STX8: variants seen among roughly 807,000 people sequenced by gnomAD.
STX8 encodes syntaxin-8.
A neutral mutation model predicts 37.5 loss-of-function variants in STX8; 23 were observed. The observed-to-expected ratio is 0.61, with a 90% CI of 0.44 to 0.87. The LOEUF (loss-of-function observed/expected upper bound fraction) is 0.87. Among genes scored for constraint, STX8 ranks in the 40% least tolerant of loss-of-function variants. The pLI is 0.00. For missense variants in STX8, 313 were observed against 284.7 expected (o/e 1.10, Z -0.71); for synonymous variants, 115 against 99.1 (o/e 1.16, Z -0.95).
intron 7 of STX8, among the ~76,000 whole-genome samples, chr17:9,281,358 A>T (rs1033602645): frequency 2.0e-5 from 3 of 152,210 alleles, no homozygotes; most frequent in Admixed American, 1.3e-4. Flanking sequence ...ATTTGGCCTG[A>T]GAAATGGAGT....
intron 7 of STX8, among the ~76,000 whole-genome samples, chr17:9,285,072 G>C (rs1314985711): frequency 6.6e-6 from 1 of 152,130 alleles, no homozygotes; most frequent in African/African-American, 2.4e-5. Context: ...CAGCGGTTCC[G>C]GGAGAGGGCC....
chr17:9,388,468 A>C (rs184037707), intron 6 of STX8, among the ~76,000 whole-genome samples: 1 of 152,066 alleles, frequency 6.6e-6, no homozygotes, highest in African/African-American at 2.4e-5. Context: ...CCAGTATAAC[A>C]ACAGTGTAAT....
At chr17:9,557,402 T>C in intron 3 of STX8, 32 bp downstream of exon 3, 1 of 1,566,614 alleles carries the variant, frequency 6.4e-7, no homozygotes, top group South Asian at 1.1e-5. Context: ...CCTCCCACTC[T>C]AGAAAAGAGG....
At chr17:9,356,959 A>ATTTTTTTT (rs1468764432) in intron 7 of STX8, among the ~76,000 whole-genome samples, 6 of 77,472 alleles carry the variant, frequency 7.7e-5, no homozygotes, top group South Asian at 4.5e-4. Flanking sequence ...TCCTTTTAAC[A>ATTTTTTTT]GTTTTTTTTT....
At chr17:9,536,410 T>A (rs1906058847) in intron 4 of STX8, among the ~76,000 whole-genome samples, 1 of 152,154 alleles carries the variant, frequency 6.6e-6, no homozygotes, top group South Asian at 2.1e-4. Context: ...ACTTGCAACT[T>A]ACTTCACGGG....
intron 4 of STX8, among the ~76,000 whole-genome samples, chr17:9,539,973 C>A (rs1906212098): frequency 6.6e-6 from 1 of 152,132 alleles, no homozygotes; most frequent in Admixed American, 6.5e-5. Context: ...ATATAATGAA[C>A]AAGTCATGTT....
intron 2 of STX8, among the ~76,000 whole-genome samples, chr17:9,559,005 C>G (rs1250182733): frequency 1.3e-5 from 2 of 151,994 alleles, no homozygotes; most frequent in Non-Finnish European, 2.9e-5. Context: ...ATATCCATCA[C>G]AGCTTATGAA....
intron 4 of STX8, among the ~76,000 whole-genome samples, chr17:9,512,886 G>C (rs1055437629): frequency 9.2e-5 from 14 of 152,138 alleles, no homozygotes; most frequent in African/African-American, 3.4e-4. Flanking sequence ...AACTCAAAAT[G>C]ATTCAAAGAC....
At chr17:9,289,710 G>A (rs1908244574) in intron 7 of STX8, among the ~76,000 whole-genome samples, 1 of 151,940 alleles carries the variant, frequency 6.6e-6, no homozygotes, top group African/African-American at 2.4e-5. Context: ...AACCCGGGAG[G>A]TGGAGCTTGC....
At chr17:9,338,401 A>G (rs923379907) in intron 7 of STX8, among the ~76,000 whole-genome samples, 1 of 152,136 alleles carries the variant, frequency 6.6e-6, no homozygotes, top group African/African-American at 2.4e-5. Context: ...AGATCCCCTG[A>G]AGACACATGG....
intron 1 of STX8, among the ~76,000 whole-genome samples, chr17:9,573,387 T>C (rs1597752774): frequency 6.6e-6 from 1 of 152,214 alleles, no homozygotes; most frequent in Admixed American, 6.5e-5. Flanking sequence ...TTCGTTTCTA[T>C]TGATAATAAC....
chr17:9,546,920 T>C (rs1353086569), intron 3 of STX8, among the ~76,000 whole-genome samples: 1 of 150,934 alleles, frequency 6.6e-6, no homozygotes, highest in African/African-American at 2.4e-5. Context: ...TGTTTGTTTT[T>C]AGGCTGAACT....
At chr17:9,561,173 T>C (rs1450952311) in intron 2 of STX8, among the ~76,000 whole-genome samples, 1 of 152,158 alleles carries the variant, frequency 6.6e-6, no homozygotes, top group Non-Finnish European at 1.5e-5. Flanking sequence ...AAAGGCCTTT[T>C]TAAGCATGAT....
chr17:9,506,037 T>C (rs1005675997), intron 4 of STX8, among the ~76,000 whole-genome samples: 5 of 151,840 alleles, frequency 3.3e-5, no homozygotes, highest in South Asian at 4.2e-4. Flanking sequence ...GTAGCATTCA[T>C]AACAGAATAA....
chr17:9,331,248 C>A (rs112269141), intron 7 of STX8, among the ~76,000 whole-genome samples: 3 of 152,152 alleles, frequency 2.0e-5, no homozygotes, highest in African/African-American at 7.2e-5. Flanking sequence ...CATCCTGTTA[C>A]GCAACGATAT....
Position 9,320,544 on chromosome 17 carries a change from G to C in STX8, c.643+58008C>G, listed in dbSNP as rs982610595. ...AATATTCATATACACATAATAATAT[G>C]AAAGTTATTTACTGGCTCTTAACTT... On this transcript the variant is annotated intron_variant, in intron 7 of 7. Coordinates refer to ENST00000306357, the MANE Select transcript of STX8 (RefSeq NM_004853.3). Among the ~76,000 whole-genome samples the C allele has an allele frequency of 3.5e-4, 53 of 151,858 alleles. 1 individual carries two copies. Among genetic ancestry groups the C allele is most frequent in the African/African-American group, 1.2e-3 (49 of 41,332 alleles).
intron 4 of STX8, among the ~76,000 whole-genome samples, chr17:9,538,843 TG>T (rs1906162607): frequency 6.6e-6 from 1 of 151,994 alleles, no homozygotes; most frequent in Non-Finnish European, 1.5e-5. Flanking sequence ...CACAGAGCAG[TG>T]GAGTATGCAA....
intron 6 of STX8, among the ~76,000 whole-genome samples, chr17:9,386,994 C>A (rs1330346189): frequency 6.6e-6 from 1 of 151,930 alleles, no homozygotes; most frequent in African/African-American, 2.4e-5. Context: ...CTCAGCCTCC[C>A]AAGTAGCTGA....
chr17:9,454,525 A>G (rs1467512342), intron 6 of STX8, among the ~76,000 whole-genome samples: 2 of 151,976 alleles, frequency 1.3e-5, no homozygotes, highest in Admixed American at 6.6e-5. Flanking sequence ...AAAAAAATAC[A>G]AAAAATTAGC....
Sources: gnomAD v4.1 joint callset for allele counts (sites outside exome capture counted in the v4.1 genomes callset) on GRCh38, gnomAD v4.1.1 for gene constraint, MANE v1.5 for transcripts, NCBI Gene and HGNC (gene_info 2026-07-23, HGNC 2026-07-21) for gene names.